RPS6KB2: variants seen among roughly 807,000 people sequenced by gnomAD.
The protein encoded by RPS6KB2 is ribosomal protein S6 kinase beta-2.
A neutral mutation model predicts 58.2 loss-of-function variants in RPS6KB2; 51 were observed. The observed-to-expected ratio is 0.88, with a 90% CI of 0.70 to 1.11. The LOEUF is 1.11. Ranked by LOEUF, RPS6KB2 falls within the 50% of genes least tolerant of loss-of-function variation. The pLI is 0.00. For missense variants in RPS6KB2, 671 were observed against 655.8 expected (o/e 1.02, Z -0.25); for synonymous variants, 293 against 258.6 (o/e 1.13, Z -1.28).
At position 67,431,266 on chromosome 11, in the gene RPS6KB2, G is replaced by A. The variant is rs1249118461; in HGVS notation, c.310-102G>A. 4.4e-6 allele frequency: 5 copies of A among 1,144,452 alleles called. No individual in the cohort carries two copies. In the African/African-American group the frequency reaches 7.7e-5, roughly 18 times the overall value. 70.9% of individuals were successfully genotyped at this position (1,144,452 alleles called of 1,614,324 possible). ...GCTGGTCTCAAATTCCTGACCTCAG[G>A]TAATCCGCCTGCCTTGGCCTCCTAG... On this transcript the variant is annotated intron_variant, in intron 4 of 14. Transcript: ENST00000312629.
intron 5 of RPS6KB2, chr11:67,432,140 A>G (rs942122061): frequency 3.5e-5 from 13 of 367,528 alleles, no homozygotes; most frequent in Non-Finnish European, 7.0e-5. Context: ...GGGCCAGATG[A>G]ACCCTGCGAG....
Position 67,434,067 on chromosome 11 carries a change from G to T in RPS6KB2, c.969+10G>T, listed in dbSNP as rs781156784. On this transcript the variant is annotated intron_variant, in intron 11 of 14. Coordinates refer to ENST00000312629, the MANE Select transcript of RPS6KB2 (RefSeq NM_003952.3). Reference sequence around the variant, plus strand: ...TGCTGCTGATGTGCAGGTGGGTTTGGGACCACCACCAGGGGTAGGGCTGAG... The same window carrying T: ...TGCTGCTGATGTGCAGGTGGGTTTGTGACCACCACCAGGGGTAGGGCTGAG... 24 of 1,613,832 alleles carry T rather than the reference G, an allele frequency of 1.5e-5. No homozygotes were observed. Among genetic ancestry groups the T allele is most frequent in the Non-Finnish European group, 4.2e-6 (5 of 1,179,904 alleles).
At position 67,432,945 on chromosome 11, in the gene RPS6KB2, T is replaced by G. The variant is rs769726826; in HGVS notation, c.617-7T>G. 1 of 1,613,050 alleles carries G rather than the reference T, an allele frequency of 6.2e-7. No individual in the cohort carries two copies. Among genetic ancestry groups the G allele is most frequent in the Non-Finnish European group, 8.5e-7 (1 of 1,179,932 alleles). On this transcript the variant is annotated splice_polypyrimidine_tract_variant and splice_region_variant and intron_variant, in intron 7 of 14. Coordinates refer to ENST00000312629, the MANE Select transcript of RPS6KB2 (RefSeq NM_003952.3). ...CCTGGTCACGCCTCTCCAACACCCT[T>G]CCTCAGGCCACATCAAACTGACCGA...
rs1863936732 is a variant in RPS6KB2, at chr11:67,429,041, G to C, written c.119+19G>C. Reference sequence around the variant, plus strand: ...GCCTAGAGTGAGTGAGGGTCGTGTTGGGGGAGGGGGGAATGGAGTGGGGAA... The same window carrying C: ...GCCTAGAGTGAGTGAGGGTCGTGTTCGGGGAGGGGGGAATGGAGTGGGGAA... On this transcript the variant is annotated intron_variant, in intron 2 of 14. Transcript: ENST00000312629. 6.2e-7 allele frequency: 1 copy of C among 1,613,822 alleles called. No homozygotes were observed. The highest frequency in any genetic ancestry group is 8.5e-7 in the Non-Finnish European group (1 of 1,179,862).
At position 67,434,246 on chromosome 11, in the gene RPS6KB2, C is replaced by T. The variant is rs772467031; in HGVS notation, c.1018C>T (p.Arg340Cys). ...HMNWDDLLAW[R>C]VDPPFRPCLQ... Reference sequence around the variant, plus strand: ...GAATTGGGACGACCTTCTGGCCTGGCGTGTGGACCCCCCTTTCAGGCCCTG... The same window carrying T: ...GAATTGGGACGACCTTCTGGCCTGGTGTGTGGACCCCCCTTTCAGGCCCTG... Residue 340 changes from arginine (R) to cysteine (C), a missense_variant, in exon 12 of 15, where the codon CGT (arginine) becomes TGT (cysteine). Physicochemically the swap from Arg to Cys is radical, Grantham distance 180. Coordinates refer to ENST00000312629, the MANE Select transcript of RPS6KB2 (RefSeq NM_003952.3). 27 of 1,613,656 alleles carry T rather than the reference C, an allele frequency of 1.7e-5. No homozygotes were observed. In the South Asian group the frequency reaches 2.4e-4, roughly 14 times the overall value.
Position 67,428,568 on chromosome 11 carries a change from A to T in RPS6KB2, c.23A>T (p.Asp8Val). The change falls in exon 1 of 15, where the codon GAT (aspartate) becomes GTT (valine). Residue 8 changes from aspartate (D) to valine (V), a missense_variant. Asp to Val is a radical substitution (Grantham distance 152). Transcript: ENST00000312629. MAAVFDL[D>V]LETEEGSEGE... is the part of the protein sequence containing the mutation. ...GCCATGGCGGCCGTGTTTGATTTGG[A>T]TTTGGAGACGGAGGAAGGCAGCGAG... 6.2e-7 allele frequency: 1 copy of T among 1,610,536 alleles called. No homozygotes were observed. Among genetic ancestry groups the T allele is most frequent in the Non-Finnish European group, 8.5e-7 (1 of 1,178,922 alleles).
intron 5 of RPS6KB2, chr11:67,431,780 G>T: frequency 4.5e-6 from 2 of 442,576 alleles, no homozygotes; most frequent in Non-Finnish European, 8.3e-6. Flanking sequence ...AAGTCCAGAG[G>T]ATGGTTGAGT....
chr11:67,428,900 C>A, intron 1 of RPS6KB2, 82 bp from the exon 2 acceptor site: 6 of 1,540,466 alleles, frequency 3.9e-6, no homozygotes, highest in Non-Finnish European at 5.4e-6. Flanking sequence ...CCCTTCTCTC[C>A]TGGGCCACGC....
At chr11:67,433,585 G>A (rs538628561) in intron 10 of RPS6KB2, 138 bp downstream of exon 10, 5 of 684,156 alleles carry the variant, frequency 7.3e-6, no homozygotes, top group Non-Finnish European at 1.3e-5. Flanking sequence ...CCCCTCCCTT[G>A]AAGTCAGGGA....
rs1013955257 is a variant in RPS6KB2, at chr11:67,429,429, G to C, written c.241-98G>C. 2.9e-5 allele frequency: 41 copies of C among 1,406,294 alleles called. No individual in the cohort carries two copies. The East Asian group carries it at 3.0e-4, about 10-fold the overall frequency. 87.1% of individuals were successfully genotyped at this position (1,406,294 alleles called of 1,614,324 possible). A position where few individuals can be genotyped will look rare whatever the true frequency, so the allele number is the denominator to read the frequency against. On this transcript the variant is annotated intron_variant, in intron 3 of 14. Coordinates refer to ENST00000312629, the MANE Select transcript of RPS6KB2 (RefSeq NM_003952.3). ...TCTTCACTGCCCCACCCTTGGCAGGGCCTAGGCCTCCTGATCCCAAAGCCA... is the reference window on the plus strand; with the variant it reads ...TCTTCACTGCCCCACCCTTGGCAGGCCCTAGGCCTCCTGATCCCAAAGCCA...
At position 67,435,180 on chromosome 11, in the gene RPS6KB2, G is replaced by C; in HGVS notation, c.*11G>C. 1.3e-6 allele frequency: 2 copies of C among 1,550,960 alleles called. No homozygotes were observed. The highest frequency in any genetic ancestry group is 1.7e-6 in the Non-Finnish European group (2 of 1,153,002). Reference sequence around the variant, plus strand: ...CGTCCAGGGCGCTAGGAAGCCGGGTGGGGGTGAGGGTAGCCCTTGAGCCCT... The same window carrying C: ...CGTCCAGGGCGCTAGGAAGCCGGGTCGGGGTGAGGGTAGCCCTTGAGCCCT... On this transcript the variant is annotated 3_prime_UTR_variant, in exon 15 of 15. Coordinates refer to ENST00000312629, the MANE Select transcript of RPS6KB2 (RefSeq NM_003952.3).
chr11:67,435,246 C>T lies in RPS6KB2; in HGVS notation c.*77C>T. ...AGAGCAGCAGGACCCTGGGCCAGTT[C>T]CAGAGACCTGGGGGTGTGTCTGGGG... On this transcript the variant is annotated 3_prime_UTR_variant, in exon 15 of 15. Transcript: ENST00000312629. 2 of 1,296,834 alleles carry T rather than the reference C, an allele frequency of 1.5e-6. No homozygotes were observed. The highest frequency in any genetic ancestry group is 2.1e-6 in the Non-Finnish European group (2 of 966,852). 80.3% of individuals were successfully genotyped at this position (1,296,834 alleles called of 1,614,324 possible).
Position 67,432,744 on chromosome 11 carries a change from C to T in RPS6KB2, c.523C>T (p.Leu175=). 1.2e-6 allele frequency: 2 copies of T among 1,614,182 alleles called. No homozygotes were observed. Among genetic ancestry groups the T allele is most frequent in the South Asian group, 1.1e-5 (1 of 91,088 alleles). ...CCTGTCTTGTTTCTGCAGCTTCTAC[C>T]TGGCTGAGATCACGCTGGCCCTGGG... The part of the protein sequence containing the change: ...IFLEDTACFY[L]AEITLALGHL... The change falls in exon 7 of 15, where the codon CTG becomes TTG. Residue 175 remains leucine (L), a synonymous_variant. Transcript: ENST00000312629.
rs1863941103 is a variant in RPS6KB2, at chr11:67,429,122, C to A, written c.122C>A (p.Pro41His). Residue 41 changes from proline (P) to histidine (H), a missense_variant and splice_region_variant, in exon 3 of 15, where the codon CCT becomes CAT. Pro to His is a moderately conservative substitution (Grantham distance 77). Coordinates refer to ENST00000312629, the MANE Select transcript of RPS6KB2 (RefSeq NM_003952.3). ...LAELRAAGLEPVGHYEEVELT... is the reference protein window; with the variant it reads ...LAELRAAGLEHVGHYEEVELT... ...TCATTAACTCCTTGTGTCCGTAGGC[C>A]TGTGGGACACTATGAAGAGGTGGAG... 6.2e-7 allele frequency: 1 copy of A among 1,613,824 alleles called. No individual in the cohort carries two copies. The highest frequency in any genetic ancestry group is 8.5e-7 in the Non-Finnish European group (1 of 1,180,034).
intron 9 of RPS6KB2, 56 bp downstream of exon 9, chr11:67,433,272 C>T (rs556970078): frequency 5.6e-6 from 9 of 1,603,876 alleles, no homozygotes; most frequent in East Asian, 2.2e-5. Context: ...GAGTAGCCCC[C>T]CTCCTGGGGC....
chr11:67,429,685 G>A, intron 4 of RPS6KB2, 90 bp downstream of exon 4: 2 of 1,039,868 alleles, frequency 1.9e-6, no homozygotes, highest in Non-Finnish European at 2.9e-6. Context: ...GGAACACAGT[G>A]GAGGAGGATC....
rs369456643 is a variant in RPS6KB2 at position 67,432,845 on chromosome 11, T to C, written c.616+8T>C. 3.1e-6 allele frequency: 5 copies of C among 1,612,874 alleles called. No individual in the cohort carries two copies. The highest frequency in any genetic ancestry group is 1.3e-5 in the African/African-American group (1 of 74,854). On this transcript the variant is annotated splice_region_variant and intron_variant, in intron 7 of 14. Transcript: ENST00000312629. Reference sequence around the variant, plus strand: ...TCATGCTCAGCAGCCAGGGTGCGCATGTGTGTGCGGGCAGCTGCAGGCGGG... The same window carrying C: ...TCATGCTCAGCAGCCAGGGTGCGCACGTGTGTGCGGGCAGCTGCAGGCGGG...
chr11:67,431,552 G>GC, intron 5 of RPS6KB2, 37 bp downstream of exon 5: 1 of 1,601,974 alleles, frequency 6.2e-7, no homozygotes, highest in Non-Finnish European at 8.5e-7. Flanking sequence ...GCTGGGGGTC[G>GC]CGGGGGGGCA....
intron 8 of RPS6KB2, 21 bp from the exon 9 acceptor site, chr11:67,433,105 A>G (rs1251012902): frequency 1.2e-6 from 2 of 1,608,776 alleles, no homozygotes; most frequent in Non-Finnish European, 1.7e-6. Flanking sequence ...GGCCTGACTG[A>G]CAGTTCCACC....
Sources: gnomAD v4.1 joint callset for allele counts on GRCh38, gnomAD v4.1.1 for gene constraint, MANE v1.5 for transcripts, NCBI Gene and HGNC (gene_info 2026-07-23, HGNC 2026-07-21) for gene names.